The following ZDHHC14 variants were observed in gnomAD, a reference collection of about 807,000 sequenced individuals.
ZDHHC14 encodes the protein zDHHC palmitoyltransferase 14.
In ZDHHC14, 16 loss-of-function variants were observed where a neutral mutation model predicts 47.7. The ratio of observed to expected loss-of-function variants is 0.34; its 90% CI spans 0.23 to 0.51. The LOEUF (loss-of-function observed/expected upper bound fraction) is 0.51. Ranked by LOEUF, ZDHHC14 falls within the 20% of genes least tolerant of loss-of-function variation. The pLI, the probability that ZDHHC14 is intolerant of heterozygous loss-of-function variation, is 0.97. For synonymous variants in ZDHHC14, 293 were observed against 278.9 expected (o/e 1.05, Z -0.50); for missense variants, 515 against 662.5 (o/e 0.78, Z 2.44).
intron 5 of ZDHHC14, among the ~76,000 whole-genome samples, chr6:157,641,284 A>G (rs961336428): frequency 6.6e-6 from 1 of 152,146 alleles, no homozygotes; most frequent in African/African-American, 2.4e-5. Flanking sequence ...AGTTGAAGGG[A>G]AGCACATTTA....
intron 1 of ZDHHC14, among the ~76,000 whole-genome samples, chr6:157,421,755 C>A (rs757566793): frequency 2.4e-4 from 36 of 151,882 alleles, no homozygotes; most frequent in Non-Finnish European, 3.7e-4. Flanking sequence ...TTATAGCCAC[C>A]CACCATGACG....
chr6:157,465,422 G>A (rs2114819101), intron 1 of ZDHHC14, among the ~76,000 whole-genome samples: 1 of 152,118 alleles, frequency 6.6e-6, no homozygotes, highest in African/African-American at 2.4e-5. Context: ...CCTACTGAGT[G>A]TGGTAAAAAT....
At chr6:157,420,859 G>A (rs547699645) in intron 1 of ZDHHC14, among the ~76,000 whole-genome samples, 4 of 152,110 alleles carry the variant, frequency 2.6e-5, no homozygotes, top group East Asian at 1.9e-4. Flanking sequence ...TAAACATTGC[G>A]CTCCTCTTCC....
chr6:157,416,078 C>G (rs919068086), intron 1 of ZDHHC14, among the ~76,000 whole-genome samples: 5 of 152,198 alleles, frequency 3.3e-5, no homozygotes, highest in African/African-American at 4.8e-5. Context: ...TCACGGGCAA[C>G]TCTCATCCCT....
At chr6:157,638,186 C>G (rs967328095) in intron 5 of ZDHHC14, among the ~76,000 whole-genome samples, 1 of 152,212 alleles carries the variant, frequency 6.6e-6, no homozygotes, top group Non-Finnish European at 1.5e-5. Flanking sequence ...CCTTCCCAGT[C>G]TGCACCATCA....
At chr6:157,490,241 A>G (rs532777959) in intron 1 of ZDHHC14, among the ~76,000 whole-genome samples, 18 of 152,352 alleles carry the variant, frequency 1.2e-4, no homozygotes, top group Non-Finnish European at 2.2e-4. Flanking sequence ...GGGTGTCTCT[A>G]AACAGATATA....
At position 157,547,800 on chromosome 6, in the gene ZDHHC14, T is replaced by A. The variant is rs1212118648; in HGVS notation, c.406+5055T>A. 2.7e-5 allele frequency among the ~76,000 whole-genome samples: 4 copies of A among 149,330 alleles called. No homozygotes were observed. The East Asian group carries it at 7.9e-4, about 29-fold the overall frequency. On this transcript the variant is annotated intron_variant, in intron 2 of 8. Coordinates refer to ENST00000359775, the MANE Select transcript of ZDHHC14 (RefSeq NM_024630.3). ...TATTATGAAAGCTGCCATTATGAAT[T>A]TTTTATAGAACTATTATTTCTACTA... is the stretch of plus-strand genomic sequence containing the variant.
chr6:157,634,109 AAT>A (rs922453756), intron 5 of ZDHHC14, among the ~76,000 whole-genome samples: 48 of 151,932 alleles, frequency 3.2e-4, no homozygotes, highest in Non-Finnish European at 5.4e-4. Context: ...TATAAATATA[AAT>A]ATATATATAT....
intron 3 of ZDHHC14, among the ~76,000 whole-genome samples, chr6:157,620,188 G>A (rs1169546274): frequency 6.6e-6 from 1 of 152,136 alleles, no homozygotes; most frequent in Admixed American, 6.5e-5. Context: ...AAGATCGAGG[G>A]AATGCATCTG....
chr6:157,577,166 T>C (rs1783339525), intron 2 of ZDHHC14, among the ~76,000 whole-genome samples: 1 of 152,230 alleles, frequency 6.6e-6, no homozygotes, highest in Non-Finnish European at 1.5e-5. Context: ...CCTCCAGCTC[T>C]ATCCATGTTG....
chr6:157,393,130 C>T (rs1358540993), intron 1 of ZDHHC14, among the ~76,000 whole-genome samples: 3 of 152,184 alleles, frequency 2.0e-5, no homozygotes, highest in Admixed American at 6.5e-5. Flanking sequence ...TCGCCTGCCT[C>T]GGCCTCTCAA....
chr6:157,601,504 C>T (rs1323464138), intron 3 of ZDHHC14, among the ~76,000 whole-genome samples: 1 of 152,048 alleles, frequency 6.6e-6, no homozygotes. Context: ...CTAATAAATA[C>T]ATTAAAATAG....
chr6:157,478,610 G>A (rs372145370), intron 1 of ZDHHC14, among the ~76,000 whole-genome samples: 4 of 152,208 alleles, frequency 2.6e-5, no homozygotes, highest in Non-Finnish European at 1.5e-5. Context: ...GTACCTTTAC[G>A]ATTTCTAGAG....
chr6:157,480,821 AT>A (rs1403904221), intron 1 of ZDHHC14, among the ~76,000 whole-genome samples: 4 of 147,734 alleles, frequency 2.7e-5, no homozygotes, highest in Admixed American at 6.8e-5. Context: ...TTGAACGGGC[AT>A]CCTCAGCTTT....
rs113129090 is a variant in ZDHHC14, at chr6:157,523,058, G to A, written c.246-19527G>A. On this transcript the variant is annotated intron_variant, in intron 1 of 8. Coordinates refer to ENST00000359775, the MANE Select transcript of ZDHHC14 (RefSeq NM_024630.3). Reference sequence around the variant, plus strand: ...GGCTCTGAGTACTTATTTCCAGACAGACATCTAGGGCGGCTGTGTTGATCT... The same window carrying A: ...GGCTCTGAGTACTTATTTCCAGACAAACATCTAGGGCGGCTGTGTTGATCT... Among the ~76,000 whole-genome samples, 707 of 148,842 alleles carry A rather than the reference G, an allele frequency of 4.7e-3. 6 individuals are homozygous for A. The highest frequency in any genetic ancestry group is 0.017 in the African/African-American group (679 of 40,140).
intron 3 of ZDHHC14, among the ~76,000 whole-genome samples, chr6:157,619,750 G>A (rs1370950570): frequency 6.6e-6 from 1 of 152,014 alleles, no homozygotes; most frequent in Non-Finnish European, 1.5e-5. Flanking sequence ...AAATGCTGCA[G>A]AATGTTAATT....
chr6:157,500,333 G>A (rs146491776), intron 1 of ZDHHC14, among the ~76,000 whole-genome samples: 18 of 152,320 alleles, frequency 1.2e-4, no homozygotes, highest in South Asian at 2.1e-4. Context: ...GCCACTGAGA[G>A]AGCTAGGGGC....
chr6:157,641,224 G>A (rs1383120054), intron 5 of ZDHHC14, among the ~76,000 whole-genome samples: 1 of 152,070 alleles, frequency 6.6e-6, no homozygotes, highest in African/African-American at 2.4e-5. Flanking sequence ...GTATCTCTAT[G>A]TGCACATATT....
intron 1 of ZDHHC14, among the ~76,000 whole-genome samples, chr6:157,532,402 T>C (rs1781397744): frequency 1.3e-5 from 2 of 152,218 alleles, no homozygotes; most frequent in Admixed American, 1.3e-4. Flanking sequence ...GGAGATTTAA[T>C]TTGTATAGCA....
Sources: gnomAD v4.1 joint callset for allele counts (sites outside exome capture counted in the v4.1 genomes callset) on GRCh38, gnomAD v4.1.1 for gene constraint, MANE v1.5 for transcripts, NCBI Gene and HGNC (gene_info 2026-07-23, HGNC 2026-07-21) for gene names.